USP42: variants seen among roughly 807,000 people sequenced by gnomAD.
USP42 encodes the protein ubiquitin carboxyl-terminal hydrolase 42.
USP42 carries 23 observed loss-of-function variants against 113.0 expected under a neutral mutation model. The ratio of observed to expected loss-of-function variants is 0.20; its 90% CI spans 0.15 to 0.29. The LOEUF is 0.29. Ranked by LOEUF, USP42 falls within the 10% of genes least tolerant of loss-of-function variation. The pLI is 1.00. For synonymous variants in USP42, 933 were observed against 699.0 expected (o/e 1.33, Z -5.28); for missense variants, 2,174 against 1,779.8 (o/e 1.22, Z -3.99).
At chr7:6,118,289 A>G (rs912691325) in intron 3 of USP42, among the ~76,000 whole-genome samples, 1 of 152,144 alleles carries the variant, frequency 6.6e-6, no homozygotes, top group African/African-American at 2.4e-5. Context: ...TGGGAGGCTG[A>G]GGCGGGTGGC....
At chr7:6,085,859 C>T in the USP42 span, among the ~76,000 whole-genome samples, 1 of 149,270 alleles carries the variant, frequency 6.7e-6, no homozygotes, top group Non-Finnish European at 1.5e-5. Context: ...GTGATCTGCC[C>T]GCCTTGGCCT....
At chr7:6,105,269 C>G (rs1779201674) in intron 1 of USP42, among the ~76,000 whole-genome samples, 1 of 145,396 alleles carries the variant, frequency 6.9e-6, no homozygotes, top group South Asian at 2.1e-4. Flanking sequence ...GGGCGGCGGC[C>G]GCGGCGGGCG....
At chr7:6,153,536 TGAC>T (rs1348556539) in intron 14 of USP42, among the ~76,000 whole-genome samples, 1 of 152,162 alleles carries the variant, frequency 6.6e-6, no homozygotes, top group East Asian at 1.9e-4. Flanking sequence ...AGCTGCTAAA[TGAC>T]GAGTTAATGG....
At chr7:6,115,239 A>T in intron 2 of USP42, 84 bp from the exon 3 acceptor site, 6 of 1,355,424 alleles carry the variant, frequency 4.4e-6, no homozygotes, top group Non-Finnish European at 6.2e-6. Context: ...TCTTGTAAAG[A>T]TTGAGGTTTG....
At chr7:6,089,298 C>G in the USP42 span, among the ~76,000 whole-genome samples, 1 of 149,608 alleles carries the variant, frequency 6.7e-6, no homozygotes, top group Non-Finnish European at 1.5e-5. Flanking sequence ...AGGTGATACA[C>G]CCACCTTGGC....
At chr7:6,086,983 C>T in the USP42 span, among the ~76,000 whole-genome samples, 2 of 150,420 alleles carry the variant, frequency 1.3e-5, no homozygotes, top group Admixed American at 6.6e-5. Flanking sequence ...CTGCTTCAGC[C>T]TCCCAAAGAG....
intron 3 of USP42, among the ~76,000 whole-genome samples, chr7:6,118,141 C>A (rs957724948): frequency 2.0e-5 from 3 of 151,786 alleles, no homozygotes; most frequent in Non-Finnish European, 4.4e-5. Flanking sequence ...TGCCTGTAAT[C>A]CCAGCACTTT....
At chr7:6,108,544 G>A (rs111404412) in intron 1 of USP42, among the ~76,000 whole-genome samples, 12,331 of 152,038 alleles carry the variant, frequency 0.081, 689 homozygotes, top group African/African-American at 0.15. Flanking sequence ...GCAGTGGCGC[G>A]ATCTCAGCTC....
rs1205825922 is a variant in USP42 at position 6,147,839 on chromosome 7, A to C, written c.1333A>C (p.Lys445Gln). ...CATCAGTCAGCGGGTTGTCACCAAC[A>C]AACAGGCTGCGCCAGGCTTTATCGG... ...PVISQRVVTN[K>Q]QAAPGFIGPQ... Residue 445 changes from lysine to glutamine, a missense_variant, in exon 12 of 18, where the codon AAA becomes CAA. Coordinates refer to ENST00000306177, the MANE Select transcript of USP42 (RefSeq NM_032172.3). The C allele has an allele frequency of 6.2e-7, 1 of 1,613,546 alleles. No homozygotes were observed. The highest frequency in any genetic ancestry group is 8.5e-7 in the Non-Finnish European group (1 of 1,179,664).
Position 6,139,779 on chromosome 7 carries a change from G to A in USP42, c.657-349G>A, listed in dbSNP as rs893110342. 5.4e-6 allele frequency: 2 copies of A among 369,900 alleles called. No individual in the cohort carries two copies. The highest frequency in any genetic ancestry group is 1.0e-5 in the Non-Finnish European group (2 of 198,500). 22.9% of individuals were successfully genotyped at this position (369,900 alleles called of 1,614,324 possible). A position where few individuals can be genotyped will look rare whatever the true frequency, so the allele number is the denominator to read the frequency against. On this transcript the variant is annotated intron_variant, in intron 5 of 17. Transcript: ENST00000306177. The surrounding 1 kb of genome is among the most constrained non-coding windows in gnomAD (Gnocchi z 4.5). ...TGATGACATACTTGGGTCGGAGGAA[G>A]ACTCTCTGCCTTTTCCGCCTCCGCT...
In USP42 at chr7:6,158,168, C is replaced by T. The variant is rs747703274; in HGVS notation, c.3943+1113C>T. Among the ~76,000 whole-genome samples, 1 of 152,254 alleles carries T rather than the reference C, an allele frequency of 6.6e-6. No homozygotes were observed. The highest frequency in any genetic ancestry group is 1.5e-5 in the Non-Finnish European group (1 of 68,052). ...TGAAAATGATGTGAAATTCAGACCT[C>T]AGTGTCTGTGGCTTGATTGGGGCGC... On this transcript the variant is annotated intron_variant, in intron 16 of 17. Transcript: ENST00000306177. The surrounding 1 kb of genome is among the most constrained non-coding windows in gnomAD (Gnocchi z 4.2).
chr7:6,131,153 C>G (rs1387495138), intron 3 of USP42, among the ~76,000 whole-genome samples: 1 of 152,016 alleles, frequency 6.6e-6, no homozygotes, highest in Non-Finnish European at 1.5e-5. Flanking sequence ...AATTGGCTAG[C>G]CTGAGGGGCA....
At chr7:6,152,373 A>C (rs1441216376) in intron 14 of USP42, among the ~76,000 whole-genome samples, 4 of 152,260 alleles carry the variant, frequency 2.6e-5, no homozygotes, top group Non-Finnish European at 5.9e-5. Flanking sequence ...TGGAAACGTC[A>C]GTGTCAGTGA....
rs973068830 is a variant in USP42, at chr7:6,139,474, G to A, written c.656+280G>A. 2.1e-5 allele frequency: 6 copies of A among 288,592 alleles called. No individual in the cohort carries two copies. The highest frequency in any genetic ancestry group is 1.0e-4 in the Admixed American group (2 of 19,450). The allele number at this position is 288,592 out of a possible 1,614,324, so 17.9% of individuals were successfully genotyped here. ...ATTTAATTTCTCATTATCAGCAGAC[G>A]TCTGCAGATCTCAAACTAGCTGCTT... is the stretch of plus-strand genomic sequence containing the variant. On this transcript the variant is annotated intron_variant, in intron 5 of 17. Transcript: ENST00000306177. The surrounding 1 kb of genome is among the most constrained non-coding windows in gnomAD (Gnocchi z 4.5).
At chr7:6,118,024 CTT>C (rs1258041929) in intron 3 of USP42, among the ~76,000 whole-genome samples, 2 of 151,882 alleles carry the variant, frequency 1.3e-5, no homozygotes, top group African/African-American at 2.4e-5. Context: ...TTTTCAGTGT[CTT>C]TTAAAGAGTG....
At chr7:6,112,380 C>T (rs1779643897) in intron 2 of USP42, among the ~76,000 whole-genome samples, 1 of 151,752 alleles carries the variant, frequency 6.6e-6, no homozygotes, top group South Asian at 2.1e-4. Context: ...ACCTGGGAGG[C>T]AGAGGTTGCA....
intron 15 of USP42, among the ~76,000 whole-genome samples, chr7:6,155,979 ACC>A (rs890822111): frequency 2.0e-5 from 3 of 151,818 alleles, no homozygotes; most frequent in African/African-American, 7.3e-5. Flanking sequence ...CTGTTCTCAA[ACC>A]CCTAGACTCA....
chr7:6,132,323 A>G (rs1040216485), intron 3 of USP42, among the ~76,000 whole-genome samples: 3 of 151,826 alleles, frequency 2.0e-5, no homozygotes, highest in African/African-American at 7.3e-5. Context: ...CTTTGTTCCT[A>G]TATACATAAT....
At chr7:6,137,842 G>C (rs530402647) in intron 4 of USP42, among the ~76,000 whole-genome samples, 1 of 151,634 alleles carries the variant, frequency 6.6e-6, no homozygotes, top group East Asian at 2.0e-4. Context: ...CACTACCCCT[G>C]GCTAATTTTT....
Sources: allele counts gnomAD v4.1 joint callset (sites outside exome capture counted in the v4.1 genomes callset), GRCh38; gene constraint gnomAD v4.1.1; non-coding constraint Gnocchi (gnomAD v3.1); transcripts MANE v1.5; gene names NCBI Gene and HGNC (gene_info 2026-07-23, HGNC 2026-07-21).